The following SMARCA2 variants were observed in gnomAD, a reference collection of about 807,000 sequenced individuals.
SMARCA2 encodes SWI/SNF-related matrix-associated actin-dependent regulator of chromatin subfamily A member 2.
In SMARCA2, 61 loss-of-function variants were observed where a neutral mutation model predicts 199.8. The ratio of observed to expected loss-of-function variants is 0.31; its 90% CI spans 0.25 to 0.38. SMARCA2 has a LOEUF of 0.38. Ranked by LOEUF, SMARCA2 falls within the 10% of genes least tolerant of loss-of-function variation. The pLI is 1.00. For synonymous variants in SMARCA2, 935 were observed against 732.0 expected (o/e 1.28, Z -4.48); for missense variants, 1,344 against 2,012.2 (o/e 0.67, Z 6.35).
At chr9:2,154,033 G>C (rs1177893116) in intron 27 of SMARCA2, among the ~76,000 whole-genome samples, 1 of 152,166 alleles carries the variant, frequency 6.6e-6, no homozygotes, top group African/African-American at 2.4e-5. Flanking sequence ...GTAGTTAAGG[G>C]TGTGGTTTAT....
chr9:2,143,872 T>G (rs1246919448), intron 27 of SMARCA2, among the ~76,000 whole-genome samples: 2 of 152,150 alleles, frequency 1.3e-5, no homozygotes, highest in Non-Finnish European at 2.9e-5. Context: ...TGCATTGAGG[T>G]TGTAGGGGCC....
chr9:2,158,295 GT>G (rs895933532), intron 27 of SMARCA2: 13 of 156,428 alleles, frequency 8.3e-5, no homozygotes, highest in Admixed American at 3.3e-4. Flanking sequence ...CACCATATGG[GT>G]TTTTTTTCGT....
chr9:2,039,805 AGCAGCAGCAGCAACAGCAGCC>A lies in SMARCA2; in HGVS notation c.707_727del (p.Gln236_Gln242del), dbSNP rs752716080. 26 of 1,607,428 alleles carry A rather than the reference AGCAGCAGCAGCAACAGCAGCC, an allele frequency of 1.6e-5. No individual in the cohort carries two copies. Among genetic ancestry groups the A allele is most frequent in the Middle Eastern group, 1.7e-4 (1 of 6,028 alleles). ...CAGCAGCAGCAGCAGCAGCAGCAGC[AGCAGCAGCAGCAACAGCAGCC>A]GCAGCAGCAGCCGCCGCAACCACAG... On this transcript the variant is annotated inframe_deletion, in exon 4 of 34. Coordinates refer to ENST00000349721, the MANE Select transcript of SMARCA2 (RefSeq NM_003070.5). The surrounding 1 kb of genome is among the most constrained non-coding windows in gnomAD (Gnocchi z 4.8).
intron 17 of SMARCA2, among the ~76,000 whole-genome samples, chr9:2,085,057 C>T (rs1320883981): frequency 6.6e-6 from 1 of 152,128 alleles, no homozygotes; most frequent in Non-Finnish European, 1.5e-5. Context: ...GGGGTCTATT[C>T]TACCTCTGCA....
rs1345323238 is a variant in SMARCA2, at chr9:2,170,060, G to C, written c.4200-359G>C. Among the ~76,000 whole-genome samples the C allele has an allele frequency of 9.9e-5, 15 of 152,112 alleles. No homozygotes were observed. The highest frequency in any genetic ancestry group is 9.8e-4 in the Admixed American group (15 of 15,264). Reference sequence around the variant, plus strand: ...TTTTACAAATGAGGGGCTAAACTCAGATAGACTAGCACTACCTTCCCAAGA... The same window carrying C: ...TTTTACAAATGAGGGGCTAAACTCACATAGACTAGCACTACCTTCCCAAGA... On this transcript the variant is annotated intron_variant, in intron 28 of 33. Coordinates refer to ENST00000349721, the MANE Select transcript of SMARCA2 (RefSeq NM_003070.5). This position sits in a 1 kb window ranked among gnomAD's most constrained non-coding sequence, Gnocchi z 4.7.
At chr9:2,022,363 G>T (rs959307963) in intron 1 of SMARCA2, among the ~76,000 whole-genome samples, 1 of 152,208 alleles carries the variant, frequency 6.6e-6, no homozygotes, top group Non-Finnish European at 1.5e-5. Context: ...GTCAGCTACT[G>T]TTATGCCTAT....
intron 17 of SMARCA2, chr9:2,085,805 G>C (rs1029735481): frequency 6.6e-6 from 1 of 152,238 alleles, no homozygotes; most frequent in Admixed American, 6.5e-5. Flanking sequence ...TTTGCAGCAG[G>C]ATCTGGGGAC....
intron 32 of SMARCA2, among the ~76,000 whole-genome samples, chr9:2,187,023 G>A (rs977757385): frequency 1.3e-5 from 2 of 152,190 alleles, no homozygotes; most frequent in Non-Finnish European, 2.9e-5. Context: ...TTCCCAGGGG[G>A]AACTGATGAT....
chr9:2,024,324 A>T (rs1463363071), intron 1 of SMARCA2, among the ~76,000 whole-genome samples: 1 of 152,170 alleles, frequency 6.6e-6, no homozygotes, highest in Non-Finnish European at 1.5e-5. Flanking sequence ...TGTGTTGGAT[A>T]GTTTGGCTGT....
chr9:2,081,711 A>G (rs1031524964), intron 14 of SMARCA2, 121 bp from the exon 15 acceptor site: 3 of 761,994 alleles, frequency 3.9e-6, no homozygotes, highest in East Asian at 2.6e-5. Context: ...CCATTTTCCT[A>G]CTGTGGGAAA....
intron 27 of SMARCA2, among the ~76,000 whole-genome samples, chr9:2,144,067 A>C (rs928753684): frequency 6.6e-6 from 1 of 151,830 alleles, no homozygotes; most frequent in African/African-American, 2.4e-5. Flanking sequence ...GGGAGCCGGG[A>C]GATGGGGGGG....
At chr9:2,153,190 G>C (rs1035079436) in intron 27 of SMARCA2, among the ~76,000 whole-genome samples, 4 of 152,164 alleles carry the variant, frequency 2.6e-5, no homozygotes, top group Admixed American at 6.5e-5. Context: ...TAGAAAAGAC[G>C]TGTATTCTAT....
intron 4 of SMARCA2, chr9:2,042,638 A>G (rs2130264895): frequency 6.6e-6 from 1 of 150,914 alleles, no homozygotes; most frequent in South Asian, 2.1e-4. Context: ...TTTCTGGATC[A>G]TTTTCAGGAG....
chr9:2,059,120 A>G (rs1820476516), intron 8 of SMARCA2, among the ~76,000 whole-genome samples: 1 of 152,134 alleles, frequency 6.6e-6, no homozygotes, highest in Non-Finnish European at 1.5e-5. Context: ...TTTATTGACC[A>G]TTTATTTTTG....
chr9:2,150,170 A>G (rs62535615), intron 27 of SMARCA2, among the ~76,000 whole-genome samples: 1,594 of 151,700 alleles, frequency 0.011, 66 homozygotes, highest in Non-Finnish European at 0.019. Context: ...TACTTTTTGC[A>G]TATCTCCTGT....
chr9:2,083,247 C>G, intron 15 of SMARCA2, 100 bp from the exon 16 acceptor site: 1 of 689,364 alleles, frequency 1.5e-6, no homozygotes, highest in Non-Finnish European at 2.5e-6. Context: ...TTCTGTAGCC[C>G]CTTTCAAGGT....
intron 17 of SMARCA2, 150 bp downstream of exon 17, chr9:2,084,346 G>A: frequency 1.8e-6 from 1 of 561,730 alleles, no homozygotes; most frequent in Admixed American, 3.1e-5. Context: ...ATATGTTTTG[G>A]TCGTGGATTT....
At chr9:2,042,592 T>TG (rs1819654667) in intron 4 of SMARCA2, 3 of 152,112 alleles carry the variant, frequency 2.0e-5, no homozygotes, top group African/African-American at 7.2e-5. Context: ...ACACAATAAA[T>TG]GCTTCATGTC....
chr9:2,152,315 G>A (rs1354034793), intron 27 of SMARCA2, among the ~76,000 whole-genome samples: 1 of 152,208 alleles, frequency 6.6e-6, no homozygotes, highest in Non-Finnish European at 1.5e-5. Flanking sequence ...ACTTTGGGTG[G>A]CCGGGGCAGG....
Sources: gnomAD v4.1 joint callset for allele counts (sites outside exome capture counted in the v4.1 genomes callset) on GRCh38, gnomAD v4.1.1 for gene constraint, Gnocchi (gnomAD v3.1) non-coding constraint, MANE v1.5 for transcripts, NCBI Gene and HGNC (gene_info 2026-07-23, HGNC 2026-07-21) for gene names.